Variants in DNAJC13 observed in about 807,000 individuals in gnomAD.
DNAJC13 encodes dnaJ homolog subfamily C member 13.
DNAJC13 carries 75 observed loss-of-function variants against 290.5 expected under a neutral mutation model. That is an observed-to-expected ratio of 0.26 (90% CI 0.21 to 0.31). The LOEUF (loss-of-function observed/expected upper bound fraction) is 0.31. Among genes scored for constraint, DNAJC13 ranks in the 10% least tolerant of loss-of-function variants. DNAJC13 has a pLI of 1.00. For synonymous variants in DNAJC13, 862 were observed against 892.0 expected (o/e 0.97, Z 0.60); for missense variants, 2,260 against 2,674.5 (o/e 0.85, Z 3.42).
chr3:132,418,013 T>C (rs1299996182), intron 1 of DNAJC13, among the ~76,000 whole-genome samples: 1 of 152,106 alleles, frequency 6.6e-6, no homozygotes, highest in East Asian at 1.9e-4. Flanking sequence ...TTGCTTGTTT[T>C]ATACCTAGTA....
At chr3:132,511,316 T>A (rs1363341393) in intron 44 of DNAJC13, 72 bp downstream of exon 44, 1 of 1,537,652 alleles carries the variant, frequency 6.5e-7, no homozygotes, top group African/African-American at 1.4e-5. Flanking sequence ...TAATCAATTT[T>A]ATCAGGGAAA....
intron 32 of DNAJC13, 109 bp downstream of exon 32, chr3:132,491,160 A>G (rs1576496233): frequency 3.2e-6 from 3 of 934,206 alleles, no homozygotes; most frequent in Non-Finnish European, 4.6e-6. Context: ...TTTATAATCT[A>G]AAATGACAGT....
chr3:132,470,727 C>G (rs1267107009), intron 20 of DNAJC13, among the ~76,000 whole-genome samples: 2 of 110,936 alleles, frequency 1.8e-5, no homozygotes, highest in African/African-American at 3.8e-5. Context: ...TCCTCACTTC[C>G]CAGTAGGGGC....
At position 132,478,299 on chromosome 3, in the gene DNAJC13, A is replaced by T. The variant is rs1399729015; in HGVS notation, c.2709+159A>T. ...TACTTATTTAAATCTGAGTTAGATG[A>T]ATAGGAAAATGAATAATGGGTTAGA... On this transcript the variant is annotated intron_variant, in intron 24 of 55. Coordinates refer to ENST00000260818, the MANE Select transcript of DNAJC13 (RefSeq NM_015268.4). Among the ~76,000 whole-genome samples, 51 of 152,358 alleles carry T rather than the reference A, an allele frequency of 3.3e-4. 1 individual carries two copies. The South Asian group carries it at 4.1e-3, about 12-fold the overall frequency.
chr3:132,453,235 A>AT, intron 6 of DNAJC13, 63 bp from the exon 7 acceptor site: 1 of 1,478,260 alleles, frequency 6.8e-7, no homozygotes, highest in Non-Finnish European at 9.2e-7. Flanking sequence ...CTATGAGTTG[A>AT]TTAGCTACAG....
intron 1 of DNAJC13, among the ~76,000 whole-genome samples, chr3:132,424,737 T>A (rs941053245): frequency 1.3e-5 from 2 of 152,108 alleles, no homozygotes; most frequent in African/African-American, 4.8e-5. Context: ...CATCTATCTC[T>A]GGAGGTATCG....
At position 132,483,665 on chromosome 3, in the gene DNAJC13, G is replaced by A; in HGVS notation, c.3182+88G>A. 5 of 1,341,106 alleles carry A rather than the reference G, an allele frequency of 3.7e-6. 1 individual carries two copies. The South Asian group carries it at 6.2e-5, about 17-fold the overall frequency. 83.1% of individuals were successfully genotyped at this position (1,341,106 alleles called of 1,614,324 possible). A position where few individuals can be genotyped will look rare whatever the true frequency, so the allele number is the denominator to read the frequency against. On this transcript the variant is annotated intron_variant, in intron 28 of 55. Coordinates refer to ENST00000260818, the MANE Select transcript of DNAJC13 (RefSeq NM_015268.4). ...CGGTCTGGTGTTTTAAAACAAAGAT[G>A]TCCTATTTATGGCCTTGGAGGAATG...
intron 54 of DNAJC13, among the ~76,000 whole-genome samples, chr3:132,529,095 A>C (rs1206778508): frequency 1.3e-5 from 2 of 152,194 alleles, no homozygotes; most frequent in African/African-American, 4.8e-5. Context: ...GTACCCATTC[A>C]GCAGCTACTC....
intron 1 of DNAJC13, among the ~76,000 whole-genome samples, chr3:132,430,764 C>G (rs184316088): frequency 3.7e-4 from 57 of 152,240 alleles, no homozygotes; most frequent in Admixed American, 7.2e-4. Context: ...AGATACTGCC[C>G]AGGTTTCTTT....
At chr3:132,427,131 A>ATTTT (rs1388876059) in intron 1 of DNAJC13, among the ~76,000 whole-genome samples, 5 of 137,350 alleles carry the variant, frequency 3.6e-5, no homozygotes, top group African/African-American at 1.4e-4. Flanking sequence ...ATATATATAT[A>ATTTT]TATTTTTTTT....
chr3:132,524,906 GT>G (rs1400207450), intron 51 of DNAJC13, among the ~76,000 whole-genome samples: 1 of 152,190 alleles, frequency 6.6e-6, no homozygotes, highest in African/African-American at 2.4e-5. Context: ...AGCCAGACAT[GT>G]TAAATAGTAG....
intron 2 of DNAJC13, among the ~76,000 whole-genome samples, chr3:132,439,986 A>C (rs1009513223): frequency 1.3e-5 from 2 of 152,234 alleles, no homozygotes; most frequent in African/African-American, 4.8e-5. Context: ...GGCTGGACGC[A>C]GTGGCTCACG....
chr3:132,522,317 G>T (rs1194969532), intron 48 of DNAJC13, among the ~76,000 whole-genome samples: 1 of 152,122 alleles, frequency 6.6e-6, no homozygotes, highest in African/African-American at 2.4e-5. Context: ...TTTAAAAGCT[G>T]CTTTTTAAAT....
intron 2 of DNAJC13, among the ~76,000 whole-genome samples, chr3:132,442,170 TTG>T: frequency 6.6e-6 from 1 of 152,206 alleles, no homozygotes; most frequent in South Asian, 2.1e-4. Flanking sequence ...GTTGGTTTTT[TTG>T]TGTGTGTGTC....
At chr3:132,485,561 C>T (rs561969338) in intron 29 of DNAJC13, among the ~76,000 whole-genome samples, 1 of 152,228 alleles carries the variant, frequency 6.6e-6, no homozygotes, top group East Asian at 1.9e-4. Context: ...AAAATCACAC[C>T]ACTTTAATAT....
rs946040470 is a variant in DNAJC13, at chr3:132,495,244, C to T, written c.4020+78C>T. Reference sequence around the variant, plus strand: ...ATGTAGTTGGAGAAAAGTATATTACCTTCTGTGCCAGTATCTGCCTCATAA... The same window carrying T: ...ATGTAGTTGGAGAAAAGTATATTACTTTCTGTGCCAGTATCTGCCTCATAA... On this transcript the variant is annotated intron_variant, in intron 35 of 55. Coordinates refer to ENST00000260818, the MANE Select transcript of DNAJC13 (RefSeq NM_015268.4). 6 of 1,131,080 alleles carry T rather than the reference C, an allele frequency of 5.3e-6. No individual in the cohort carries two copies. The African/African-American group carries it at 9.3e-5, about 18-fold the overall frequency. 70.1% of individuals were successfully genotyped at this position (1,131,080 alleles called of 1,614,324 possible). A position where few individuals can be genotyped will look rare whatever the true frequency, so the allele number is the denominator to read the frequency against.
At chr3:132,507,413 T>A in intron 43 of DNAJC13, 60 bp downstream of exon 43, 1 of 985,810 alleles carries the variant, frequency 1.0e-6, no homozygotes, top group Non-Finnish European at 1.6e-6. Flanking sequence ...TGAAAGTTAC[T>A]AGTTTATTCA....
At position 132,528,263 on chromosome 3, in the gene DNAJC13, A is replaced by G. The variant is rs779837841; in HGVS notation, c.6456A>G (p.Pro2152=). The part of the protein sequence containing the change: ...EGIGLENLDS[P]AATKAQIVKA... The stretch of plus-strand genomic sequence containing the variant: ...TTGGCCTTGAAAACCTGGACAGCCC[A>G]GCAGCCACTAAGGCTCAGATTGTTA... The change falls in exon 54 of 56, where the codon CCA becomes CCG. Residue 2152 remains proline (P), a synonymous_variant. Transcript: ENST00000260818. The G allele has an allele frequency of 3.1e-6, 5 of 1,614,132 alleles. No homozygotes were observed. The South Asian group carries it at 4.4e-5, about 14-fold the overall frequency.
intron 29 of DNAJC13, among the ~76,000 whole-genome samples, chr3:132,486,082 CTTTTTTTTTTTTTT>C (rs758049804): frequency 7.4e-5 from 3 of 40,510 alleles, no homozygotes; most frequent in African/African-American, 3.4e-4. Flanking sequence ...ATGCCCTATC[CTTTTTTTTTTTTTT>C]TTTTTTTTTT....
Sources: allele counts gnomAD v4.1 joint callset (sites outside exome capture counted in the v4.1 genomes callset), GRCh38; gene constraint gnomAD v4.1.1; transcripts MANE v1.5; gene names NCBI Gene and HGNC (gene_info 2026-07-23, HGNC 2026-07-21).